WDPCP: variants seen among roughly 807,000 people sequenced by gnomAD.
WDPCP encodes WD repeat-containing and planar cell polarity effector protein fritz homolog.
In WDPCP, 71 loss-of-function variants were observed where a neutral mutation model predicts 93.1. The ratio of observed to expected loss-of-function variants is 0.76; its 90% CI spans 0.63 to 0.93. WDPCP has a LOEUF of 0.93. WDPCP is among the 40% of genes least tolerant of loss of function. WDPCP has a pLI of 0.00. For missense variants in WDPCP, 844 were observed against 887.4 expected, an observed-to-expected ratio of 0.95 and a Z score of 0.62; for synonymous variants, 315 against 315.0, an observed-to-expected ratio of 1.00 and a Z score of 0.00.
At chr2:63,645,672 T>C (rs1326182524) in intron 3 of WDPCP, among the ~76,000 whole-genome samples, 2 of 152,236 alleles carry the variant, frequency 1.3e-5, no homozygotes, top group African/African-American at 2.4e-5. Context: ...TTGCTTTATA[T>C]ATCTGGGTGC....
chr2:63,457,440 C>T (rs1698699355), intron 6 of WDPCP, among the ~76,000 whole-genome samples: 1 of 152,066 alleles, frequency 6.6e-6, no homozygotes, highest in African/African-American at 2.4e-5. Context: ...ATGAATTCAC[C>T]CTAACTCATT....
At chr2:63,179,015 A>G (rs1260596810) in intron 14 of WDPCP, among the ~76,000 whole-genome samples, 1 of 152,098 alleles carries the variant, frequency 6.6e-6, no homozygotes, top group Non-Finnish European at 1.5e-5. Context: ...AACCTGAGCA[A>G]CATGTCAAAA....
intron 14 of WDPCP, chr2:63,228,765 T>C (rs1678549926): frequency 6.6e-6 from 1 of 152,166 alleles, no homozygotes. Flanking sequence ...CATGAACTCA[T>C]CCTTTTTTAT....
At chr2:63,634,383 T>C (rs1299141472) in intron 3 of WDPCP, among the ~76,000 whole-genome samples, 2 of 152,210 alleles carry the variant, frequency 1.3e-5, no homozygotes, top group East Asian at 1.9e-4. Context: ...AAGCCAATAT[T>C]AAAGGCCTAA....
At chr2:63,259,758 T>G (rs995024432) in intron 13 of WDPCP, among the ~76,000 whole-genome samples, 4 of 152,216 alleles carry the variant, frequency 2.6e-5, no homozygotes, top group Admixed American at 2.0e-4. Flanking sequence ...AAATTTTAAT[T>G]GTATATTATG....
intron 14 of WDPCP, among the ~76,000 whole-genome samples, chr2:63,236,653 T>A (rs1236204327): frequency 6.6e-6 from 1 of 152,002 alleles, no homozygotes; most frequent in African/African-American, 2.4e-5. Flanking sequence ...TGGAACAGAA[T>A]AGAGAATGCT....
At chr2:63,787,088 T>C (rs1670478613) in intron 2 of WDPCP, among the ~76,000 whole-genome samples, 1 of 152,258 alleles carries the variant, frequency 6.6e-6, no homozygotes, top group East Asian at 1.9e-4. Flanking sequence ...TTTAAAAAAA[T>C]TATATAAACT....
intron 13 of WDPCP, among the ~76,000 whole-genome samples, chr2:63,291,245 T>C (rs774735229): frequency 2.6e-5 from 4 of 152,230 alleles, no homozygotes; most frequent in Non-Finnish European, 4.4e-5. Context: ...ATCCCTATCT[T>C]TTCAATCATT....
chr2:63,799,296 G>A lies in WDPCP; in HGVS notation n.308+14326C>T, dbSNP rs146259908. Among the ~76,000 whole-genome samples, 634 of 152,294 alleles carry A rather than the reference G, an allele frequency of 4.2e-3. 6 individuals are homozygous for A. The highest frequency in any genetic ancestry group is 0.015 in the African/African-American group (605 of 41,582). On this transcript the variant is annotated intron_variant and non_coding_transcript_variant, in intron 2 of 4. Transcript: ENST00000467687. ...AGGGGGAAAAACTGAATATAAAGGAGAGTGAACCATAGAAGATAATTGGTA... is the reference window on the plus strand; with the variant it reads ...AGGGGGAAAAACTGAATATAAAGGAAAGTGAACCATAGAAGATAATTGGTA...
At chr2:63,601,227 G>A (rs2121351) in intron 3 of WDPCP, among the ~76,000 whole-genome samples, 122,247 of 152,216 alleles carry the variant, frequency 0.8, 49,761 homozygotes, top group East Asian at 0.98. Context: ...TCTTCCTCTA[G>A]AAGAAGTTGT....
intron 1 of WDPCP, among the ~76,000 whole-genome samples, chr2:63,823,390 C>T (rs1291168550): frequency 6.6e-6 from 1 of 151,904 alleles, no homozygotes; most frequent in African/African-American, 2.4e-5. Flanking sequence ...CCTGTAGTCC[C>T]AGCTACTCAG....
At chr2:63,363,740 A>AT (rs34106060) in intron 12 of WDPCP, among the ~76,000 whole-genome samples, 121,874 of 152,100 alleles carry the variant, frequency 0.8, 49,697 homozygotes, top group East Asian at 0.97. Context: ...GGAAGAATAT[A>AT]TTTTTTTAAC....
At chr2:63,437,837 G>T (rs1697240032) in intron 7 of WDPCP, 1 of 1,593,938 alleles carries the variant, frequency 6.3e-7, no homozygotes, top group Non-Finnish European at 8.6e-7. Flanking sequence ...GGCTATAAAG[G>T]TATTTTTAAA....
intron 12 of WDPCP, among the ~76,000 whole-genome samples, chr2:63,319,102 C>G (rs1247127783): frequency 6.6e-6 from 1 of 152,062 alleles, no homozygotes; most frequent in Non-Finnish European, 1.5e-5. Context: ...AAATAAGCAT[C>G]AAGTCTTTGT....
intron 1 of WDPCP, among the ~76,000 whole-genome samples, chr2:63,515,322 T>C (rs1418075601): frequency 2.0e-5 from 3 of 152,164 alleles, no homozygotes; most frequent in African/African-American, 7.2e-5. Flanking sequence ...GTGCCTAATT[T>C]ACAAAATTGA....
Position 63,549,021 on chromosome 2 carries a change from G to A in WDPCP, c.75+39176C>T, listed in dbSNP as rs538476055. On this transcript the variant is annotated intron_variant, in intron 1 of 17. Transcript: ENST00000272321. ...CCCAGCATTTTAGGAGGCAGAGGTG[G>A]GTGGATCACCTGAGGTCAGGAGTTC... Among the ~76,000 whole-genome samples, 4 of 152,084 alleles carry A rather than the reference G, an allele frequency of 2.6e-5. No homozygotes were observed. The South Asian group carries it at 8.3e-4, about 32-fold the overall frequency.
chr2:63,287,309 G>A (rs80235337), intron 13 of WDPCP, among the ~76,000 whole-genome samples: 1 of 149,134 alleles, frequency 6.7e-6, no homozygotes, highest in African/African-American at 2.5e-5. Flanking sequence ...TTTTTTTTTG[G>A]CTGAATATCC....
intron 2 of WDPCP, among the ~76,000 whole-genome samples, chr2:63,732,503 A>G (rs1488208436): frequency 6.6e-6 from 1 of 152,258 alleles, no homozygotes; most frequent in Non-Finnish European, 1.5e-5. Flanking sequence ...AACTATAATA[A>G]GAAATTATCA....
intron 2 of WDPCP, among the ~76,000 whole-genome samples, chr2:63,726,645 T>C (rs544763213): frequency 6.6e-6 from 1 of 152,364 alleles, no homozygotes; most frequent in Non-Finnish European, 1.5e-5. Context: ...GTGGCCATTT[T>C]AACACTATTG....
Sources: gnomAD v4.1 joint callset for allele counts (sites outside exome capture counted in the v4.1 genomes callset) on GRCh38, gnomAD v4.1.1 for gene constraint, MANE v1.5 for transcripts, NCBI Gene and HGNC (gene_info 2026-07-23, HGNC 2026-07-21) for gene names.